TRPM1: variants seen among roughly 807,000 people sequenced by gnomAD.
The protein encoded by TRPM1 is TRPM1-203 APA Isoform, Intron 10.
TRPM1 carries 113 observed loss-of-function variants against 149.4 expected under a neutral mutation model. That is an observed-to-expected ratio of 0.76 (90% CI 0.65 to 0.88). TRPM1 has a LOEUF of 0.88. TRPM1 is among the 40% of genes least tolerant of loss of function. The pLI is 0.00. For missense variants in TRPM1, 1,976 were observed against 2,038.7 expected (o/e 0.97, Z 0.59); for synonymous variants, 741 against 759.5 (o/e 0.98, Z 0.40).
chr15:31,066,941 G>A (rs2034392967), intron 6 of TRPM1, 122 bp downstream of exon 6: 2 of 1,295,844 alleles, frequency 1.5e-6, no homozygotes, highest in African/African-American at 1.5e-5. Context: ...ACCATTGGAG[G>A]AATGGGAAAG....
At chr15:31,113,117 A>T (rs2035718044) in intron 1 of TRPM1, among the ~76,000 whole-genome samples, 1 of 152,150 alleles carries the variant, frequency 6.6e-6, no homozygotes, top group Non-Finnish European at 1.5e-5. Context: ...GGCTTTAGGT[A>T]GCTAAGATCA....
chr15:31,012,085 G>GA (rs1433610759), intron 27 of TRPM1, among the ~76,000 whole-genome samples: 6 of 152,290 alleles, frequency 3.9e-5, no homozygotes, highest in African/African-American at 1.4e-4. Flanking sequence ...CATCAACATA[G>GA]ATTTGTAATG....
intron 11 of TRPM1, among the ~76,000 whole-genome samples, chr15:31,054,499 T>C (rs1332272960): frequency 6.6e-6 from 1 of 152,158 alleles, no homozygotes; most frequent in African/African-American, 2.4e-5. Context: ...TTCACCATGT[T>C]GGCCAGGCTT....
intron 4 of TRPM1, chr15:31,069,698 T>C: frequency 7.0e-7 from 1 of 1,422,556 alleles, no homozygotes; most frequent in Non-Finnish European, 9.1e-7. Flanking sequence ...GGGCTGCAGG[T>C]CCACAGTTAT....
rs2031769801 is a variant in TRPM1, at chr15:31,001,776, T to C, written c.*46A>G. The C allele has an allele frequency of 6.3e-7, 1 of 1,584,324 alleles. No homozygotes were observed. The highest frequency in any genetic ancestry group is 2.2e-5 in the East Asian group (1 of 44,796). ...TTTAGATGGCCAAGATGACACCCAT[T>C]AGTGGTTCTGACTGTTAAAAAAAAA... On this transcript the variant is annotated 3_prime_UTR_variant, in exon 28 of 28. Transcript: ENST00000256552.
chr15:31,029,831 A>G (rs1187149475), intron 23 of TRPM1, among the ~76,000 whole-genome samples: 2 of 152,202 alleles, frequency 1.3e-5, no homozygotes, highest in African/African-American at 4.8e-5. Flanking sequence ...TAATTATGTT[A>G]CTGAGAATAG....
At position 31,062,576 on chromosome 15, in the gene TRPM1, T is replaced by TA. The variant is rs2034261852; in HGVS notation, c.1089+2dup. On this transcript the variant is annotated splice_region_variant and intron_variant, in intron 9 of 27. Transcript: ENST00000256552. ...TGTTTGGAAATAAATTCAAGACACTTACGAGTTCTTTCTTCTTCATGCACT... is the reference window on the plus strand; with the variant it reads ...TGTTTGGAAATAAATTCAAGACACTTAACGAGTTCTTTCTTCTTCATGCACT... The TA allele has an allele frequency of 6.2e-7, 1 of 1,613,978 alleles. No individual in the cohort carries two copies.
At chr15:31,068,630 G>C (rs1329412668) in intron 4 of TRPM1, among the ~76,000 whole-genome samples, 1 of 151,002 alleles carries the variant, frequency 6.6e-6, no homozygotes, top group Non-Finnish European at 1.5e-5. Context: ...TGTAATCTCA[G>C]CTACTTCAGA....
At chr15:31,081,720 G>A (rs1211728017) in intron 1 of TRPM1, among the ~76,000 whole-genome samples, 2 of 152,042 alleles carry the variant, frequency 1.3e-5, no homozygotes, top group African/African-American at 4.8e-5. Context: ...CCTCCAGGAG[G>A]GCCTGGCGAG....
At chr15:31,088,846 T>G (rs1216165577) in intron 1 of TRPM1, among the ~76,000 whole-genome samples, 1 of 142,408 alleles carries the variant, frequency 7.0e-6, no homozygotes, top group Non-Finnish European at 1.5e-5. Context: ...GGCGATGCGA[T>G]AAGCCCTGCT....
At chr15:31,065,517 G>A (rs1241522431) in intron 7 of TRPM1, among the ~76,000 whole-genome samples, 3 of 152,132 alleles carry the variant, frequency 2.0e-5, no homozygotes, top group South Asian at 2.1e-4. Flanking sequence ...TGAGGTTTGC[G>A]TCTTTCTCTC....
Position 31,028,437 on chromosome 15 carries a change from C to T in TRPM1, c.3188G>A (p.Arg1063Gln), listed in dbSNP as rs746861640. 41 of 1,613,850 alleles carry T rather than the reference C, an allele frequency of 2.5e-5. No homozygotes were observed. The highest frequency in any genetic ancestry group is 1.3e-4 in the East Asian group (6 of 44,896). ...GENLYDEEGK[R>Q]LPPCIPGAWL... ...GGCGCCGGGGATACAGGGAGGAAGC[C>T]GCTTGCCCTCCTCATCATATAGGTT... Residue 1063 changes from arginine to glutamine, a missense_variant, in exon 25 of 28, where the codon CGG becomes CAG. By Grantham distance (43) the Arg-to-Gln change is conservative. Coordinates refer to ENST00000256552, the MANE Select transcript of TRPM1 (RefSeq NM_001252024.2).
intron 5 of TRPM1, 46 bp from the exon 6 acceptor site, chr15:31,067,233 C>T: frequency 6.2e-7 from 1 of 1,614,042 alleles, no homozygotes; most frequent in Non-Finnish European, 8.5e-7. Flanking sequence ...TACTTCCCAG[C>T]ACACCATCAT....
At chr15:31,112,427 G>A (rs375918445) in intron 1 of TRPM1, among the ~76,000 whole-genome samples, 110 of 152,270 alleles carry the variant, frequency 7.2e-4, no homozygotes, top group African/African-American at 2.6e-3. Context: ...GTGGTGAGCC[G>A]AGATCGTGCC....
intron 1 of TRPM1, among the ~76,000 whole-genome samples, chr15:31,107,953 G>A (rs1170294666): frequency 1.3e-5 from 2 of 151,832 alleles, no homozygotes; most frequent in Non-Finnish European, 2.9e-5. Context: ...TGCCTCCAGG[G>A]TTCAAGTGAT....
In TRPM1 at chr15:31,051,350, G is replaced by T. The variant is rs1286884959; in HGVS notation, c.1264-768C>A. On this transcript the variant is annotated intron_variant, in intron 11 of 27. Transcript: ENST00000256552. ...CCGCTCCTCTTACCAAACGCTCCTG[G>T]TGGATTGCCTACCTGAGGAGCCTCC... is the stretch of plus-strand genomic sequence containing the variant. Among the ~76,000 whole-genome samples the T allele has an allele frequency of 2.6e-5, 4 of 152,172 alleles. No individual in the cohort carries two copies. In the East Asian group the frequency reaches 7.7e-4, roughly 29 times the overall value.
chr15:31,102,759 G>A (rs908380385), upstream of TRPM1, among the ~76,000 whole-genome samples: 1 of 152,194 alleles, frequency 6.6e-6, no homozygotes. Context: ...GCTTTCATTC[G>A]TTTCTCTCAG....
chr15:31,159,453 T>G (rs2036418732), intron 1 of TRPM1, among the ~76,000 whole-genome samples: 1 of 152,208 alleles, frequency 6.6e-6, no homozygotes, highest in Non-Finnish European at 1.5e-5. Context: ...GCCAGTGGCA[T>G]GTCTCTTGTT....
At position 31,002,886 on chromosome 15, in the gene TRPM1, A is replaced by C. The variant is rs375689763; in HGVS notation, c.3814T>G (p.Ser1272Ala). The C allele has an allele frequency of 4.0e-5, 65 of 1,614,050 alleles. No homozygotes were observed. Among genetic ancestry groups the C allele is most frequent in the Non-Finnish European group, 5.0e-5 (59 of 1,179,986 alleles). The change falls in exon 28 of 28, where the codon TCT (serine) becomes GCT (alanine). Residue 1272 changes from serine (S) to alanine (A), a missense_variant. Ser to Ala is a moderately conservative substitution (Grantham distance 99). Transcript: ENST00000256552. ...AGATACGTTGCCTCACATTCAGAAG[A>C]AGCCCGGGACCGTGCCTGGATCAGG... ...SDLIQARSRA[S>A]SECEATYLLR...
Sources: gnomAD v4.1 joint callset for allele counts (sites outside exome capture counted in the v4.1 genomes callset) on GRCh38, gnomAD v4.1.1 for gene constraint, MANE v1.5 for transcripts, NCBI Gene and HGNC (gene_info 2026-07-23, HGNC 2026-07-21) for gene names.